The following TRIP4 variants were observed in gnomAD, a reference collection of about 807,000 sequenced individuals.
TRIP4 encodes activating signal cointegrator 1.
Under a neutral mutation model 81.8 loss-of-function variants are expected in TRIP4, and 54 were observed. The observed-to-expected ratio is 0.66, with a 90% CI of 0.53 to 0.83. TRIP4 has a LOEUF of 0.83. TRIP4 is among the 40% of genes least tolerant of loss of function. TRIP4 has a pLI of 0.00. For missense variants in TRIP4, 662 were observed against 683.6 expected, an observed-to-expected ratio of 0.97 and a Z score of 0.35; for synonymous variants, 270 against 242.8, an observed-to-expected ratio of 1.11 and a Z score of -1.04.
intron 5 of TRIP4, among the ~76,000 whole-genome samples, chr15:64,402,087 ATTGTACTATGGTT>A (rs1450785414): frequency 6.6e-6 from 1 of 152,164 alleles, no homozygotes; most frequent in Non-Finnish European, 1.5e-5. Flanking sequence ...AGTTTTGATA[ATTGTACTATGGTT>A]TTGTAAGATA....
chr15:64,424,978 T>C (rs1892107329), intron 10 of TRIP4, among the ~76,000 whole-genome samples: 1 of 152,122 alleles, frequency 6.6e-6, no homozygotes, highest in South Asian at 2.1e-4. Context: ...GGTTTCACCA[T>C]GTTGGCCAGG....
At chr15:64,415,505 AC>A (rs2140295903) in intron 8 of TRIP4, among the ~76,000 whole-genome samples, 1 of 152,316 alleles carries the variant, frequency 6.6e-6, no homozygotes, top group East Asian at 1.9e-4. Flanking sequence ...GAGAATGCTT[AC>A]TTACCTCTTT....
intron 11 of TRIP4, among the ~76,000 whole-genome samples, chr15:64,431,847 A>ATATTTTTTTTT: frequency 1.7e-5 from 2 of 119,560 alleles, no homozygotes; most frequent in African/African-American, 6.5e-5. Flanking sequence ...ATATATATAT[A>ATATTTTTTTTT]TTTTTTTTAT....
chr15:64,413,552 A>C (rs1309765293), intron 7 of TRIP4, among the ~76,000 whole-genome samples: 1 of 150,814 alleles, frequency 6.6e-6, no homozygotes, highest in African/African-American at 2.4e-5. Context: ...TGCCCTATGT[A>C]TTTTCTTGGT....
chr15:64,399,952 G>T lies in TRIP4; in HGVS notation c.619-791G>T, dbSNP rs1429484881. On this transcript the variant is annotated intron_variant, in intron 4 of 12. Coordinates refer to ENST00000261884, the MANE Select transcript of TRIP4 (RefSeq NM_016213.5). ...ATGGTGCCACCGCACTCCAGTCTGGGTGACAAAGCCACACCCTGCTCAAAA... is the reference window on the plus strand; with the variant it reads ...ATGGTGCCACCGCACTCCAGTCTGGTTGACAAAGCCACACCCTGCTCAAAA... Among the ~76,000 whole-genome samples, 5 of 149,542 alleles carry T rather than the reference G, an allele frequency of 3.3e-5. 1 individual carries two copies. The highest frequency in any genetic ancestry group is 4.9e-5 in the African/African-American group (2 of 40,576).
intron 7 of TRIP4, among the ~76,000 whole-genome samples, chr15:64,413,291 C>G (rs1032580837): frequency 6.6e-6 from 1 of 151,816 alleles, no homozygotes; most frequent in East Asian, 1.9e-4. Context: ...AGTGATCCTC[C>G]CATCTCATCC....
intron 11 of TRIP4, among the ~76,000 whole-genome samples, chr15:64,438,351 C>T (rs1892445909): frequency 6.6e-6 from 1 of 152,112 alleles, no homozygotes; most frequent in African/African-American, 2.4e-5. Context: ...TTGAGTTTCG[C>T]TCTTGTTGCC....
At chr15:64,420,812 G>A (rs142743080) in intron 9 of TRIP4, among the ~76,000 whole-genome samples, 5 of 151,980 alleles carry the variant, frequency 3.3e-5, no homozygotes, top group East Asian at 1.9e-4. Flanking sequence ...GATTATAGGC[G>A]TGAGCCACCG....
At chr15:64,440,324 A>G (rs1425038712) in intron 11 of TRIP4, among the ~76,000 whole-genome samples, 1 of 152,010 alleles carries the variant, frequency 6.6e-6, no homozygotes, top group African/African-American at 2.4e-5. Context: ...TTCTCTGGGT[A>G]ATCTGCATTT....
intron 12 of TRIP4, among the ~76,000 whole-genome samples, chr15:64,453,350 G>A (rs898893398): frequency 1.3e-5 from 2 of 152,136 alleles, no homozygotes; most frequent in Admixed American, 1.3e-4. Flanking sequence ...TGCTATTTGT[G>A]GTTACTTAGT....
chr15:64,429,250 G>C (rs370749611), intron 11 of TRIP4, among the ~76,000 whole-genome samples: 10 of 152,174 alleles, frequency 6.6e-5, no homozygotes, highest in African/African-American at 2.4e-4. Flanking sequence ...CTGGGAGGCA[G>C]AGGTTGCAGT....
intron 6 of TRIP4, among the ~76,000 whole-genome samples, chr15:64,408,958 T>C (rs991143059): frequency 6.6e-6 from 1 of 152,176 alleles, no homozygotes; most frequent in Non-Finnish European, 1.5e-5. Context: ...CTCACACCTG[T>C]AATCCTAGCA....
intron 12 of TRIP4, among the ~76,000 whole-genome samples, chr15:64,451,861 C>A (rs558539499): frequency 1.2e-3 from 186 of 151,612 alleles, no homozygotes; most frequent in African/African-American, 4.3e-3. Flanking sequence ...CCATTTTGAC[C>A]AGGCTGGTCT....
At chr15:64,452,631 C>G (rs950470591) in intron 12 of TRIP4, among the ~76,000 whole-genome samples, 1 of 152,178 alleles carries the variant, frequency 6.6e-6, no homozygotes, top group South Asian at 2.1e-4. Context: ...TTCCTCCTTT[C>G]ATTTTACAGG....
chr15:64,389,821 C>T (rs1259285258), intron 1 of TRIP4, among the ~76,000 whole-genome samples: 1 of 149,656 alleles, frequency 6.7e-6, no homozygotes, highest in Non-Finnish European at 1.5e-5. Context: ...TCTCTTTCCT[C>T]AGCCCGAGCA....
chr15:64,429,746 G>A (rs970305377), intron 11 of TRIP4, among the ~76,000 whole-genome samples: 1 of 152,150 alleles, frequency 6.6e-6, no homozygotes, highest in African/African-American at 2.4e-5. Context: ...CACTGAGAGA[G>A]AACCATCTAG....
chr15:64,390,764 G>T (rs553420679), intron 1 of TRIP4, among the ~76,000 whole-genome samples: 1 of 151,798 alleles, frequency 6.6e-6, no homozygotes, highest in East Asian at 2.0e-4. Context: ...GTATGGTGAC[G>T]GGCACCTGTA....
chr15:64,388,727 C>A (rs1402536055), intron 1 of TRIP4, among the ~76,000 whole-genome samples: 1 of 152,210 alleles, frequency 6.6e-6, no homozygotes, highest in South Asian at 2.1e-4. Flanking sequence ...CAAATAGCTT[C>A]TGACTCTGGA....
At chr15:64,412,247 T>G (rs1891782413) in intron 7 of TRIP4, among the ~76,000 whole-genome samples, 1 of 152,172 alleles carries the variant, frequency 6.6e-6, no homozygotes, top group African/African-American at 2.4e-5. Context: ...TGTGTCAAAT[T>G]TATTCCTCTC....
Sources: gnomAD v4.1 joint callset for allele counts (sites outside exome capture counted in the v4.1 genomes callset) on GRCh38, gnomAD v4.1.1 for gene constraint, MANE v1.5 for transcripts, NCBI Gene and HGNC (gene_info 2026-07-23, HGNC 2026-07-21) for gene names.